CAB39L: variants seen among roughly 807,000 people sequenced by gnomAD.
CAB39L encodes the protein calcium-binding protein 39-like.
CAB39L carries 23 observed loss-of-function variants against 39.1 expected under a neutral mutation model. That is an observed-to-expected ratio of 0.59 (90% CI 0.42 to 0.83). The LOEUF (loss-of-function observed/expected upper bound fraction) is 0.83, where lower values mean the gene tolerates loss of function less well. Among genes scored for constraint, CAB39L ranks in the 40% least tolerant of loss-of-function variants. The pLI, the probability that CAB39L is intolerant of heterozygous loss-of-function variation, is 0.00. For synonymous variants in CAB39L, 126 were observed against 137.2 expected, an observed-to-expected ratio of 0.92 and a Z score of 0.57; for missense variants, 366 against 391.9, an observed-to-expected ratio of 0.93 and a Z score of 0.56.
At chr13:49,346,115 A>ATATATG in intron 7 of CAB39L, among the ~76,000 whole-genome samples, 1 of 56,552 alleles carries the variant, frequency 1.8e-5, no homozygotes, top group African/African-American at 7.8e-5. Flanking sequence ...ATATATATAT[A>ATATATG]TATATATATC....
At chr13:49,378,592 G>T (rs1352950937) in intron 4 of CAB39L, among the ~76,000 whole-genome samples, 5 of 74,266 alleles carry the variant, frequency 6.7e-5, no homozygotes, top group Non-Finnish European at 8.3e-5. Flanking sequence ...GAGGTGGGGG[G>T]GTCAGCCCTC....
At position 49,308,949 on chromosome 13, in the gene CAB39L, AAAG is replaced by A. The variant is rs1318271116; in HGVS notation, c.*1862_*1864del. 8 of 152,346 alleles carry A rather than the reference AAAG, an allele frequency of 5.3e-5. No individual in the cohort carries two copies. The East Asian group carries it at 1.5e-3, about 29-fold the overall frequency. 9.4% of individuals were successfully genotyped at this position (152,346 alleles called of 1,614,324 possible). ...GAAATAAAATGTTTTCTTTATCAGA[AAAG>A]AATAATAACAAGGCCTCACTCTCCA... On this transcript the variant is annotated 3_prime_UTR_variant, in exon 11 of 11. Coordinates refer to ENST00000409308, the MANE Select transcript of CAB39L (RefSeq NM_001079670.3).
rs1246560863 is a variant in CAB39L, at chr13:49,309,526, A to C, written c.*1288T>G. Reference sequence around the variant, plus strand: ...TTAGAAACTGAAGTGTAAAAAATACAGATCAACAATTGTGCCTTTCATTCT... The same window carrying C: ...TTAGAAACTGAAGTGTAAAAAATACCGATCAACAATTGTGCCTTTCATTCT... On this transcript the variant is annotated 3_prime_UTR_variant, in exon 11 of 11. Coordinates refer to ENST00000409308, the MANE Select transcript of CAB39L (RefSeq NM_001079670.3). 2 of 152,264 alleles carry C rather than the reference A, an allele frequency of 1.3e-5. No individual in the cohort carries two copies. The highest frequency in any genetic ancestry group is 4.8e-5 in the African/African-American group (2 of 41,472). 9.4% of individuals were successfully genotyped at this position (152,264 alleles called of 1,614,324 possible).
intron 6 of CAB39L, among the ~76,000 whole-genome samples, chr13:49,352,895 G>C (rs1207040697): frequency 6.6e-6 from 1 of 151,974 alleles, no homozygotes; most frequent in Admixed American, 6.6e-5. Flanking sequence ...AACATTTGTT[G>C]AACAATAAGT....
chr13:49,375,992 C>A (rs1043989365), intron 5 of CAB39L, among the ~76,000 whole-genome samples: 3 of 152,184 alleles, frequency 2.0e-5, no homozygotes, highest in African/African-American at 7.2e-5. Flanking sequence ...TGGCTCTGCA[C>A]TCCTCCTCCT....
chr13:49,341,190 T>C (rs932630242), intron 8 of CAB39L, among the ~76,000 whole-genome samples: 1 of 152,212 alleles, frequency 6.6e-6, no homozygotes, highest in African/African-American at 2.4e-5. Context: ...ATATAGTTAC[T>C]GAACAACCAA....
intron 3 of CAB39L, among the ~76,000 whole-genome samples, chr13:49,406,019 G>A (rs1956868735): frequency 6.6e-6 from 1 of 151,826 alleles, no homozygotes; most frequent in South Asian, 2.1e-4. Context: ...CAGGGCAAAG[G>A]GGATAGTTAA....
intron 4 of CAB39L, among the ~76,000 whole-genome samples, chr13:49,378,270 G>T (rs1480160846): frequency 2.3e-5 from 2 of 86,332 alleles, no homozygotes; most frequent in Non-Finnish European, 4.7e-5. Context: ...GTGGGGGGGG[G>T]TCAACCCCCC....
rs1956097852 is a variant in CAB39L at position 49,377,290 on chromosome 13, C to T, written c.112-159G>A. ...CAAACAAAAACAGTGAGGGGAATCA[C>T]CATGTTTGGGTGGACCTAGTTTCTA... is the stretch of plus-strand genomic sequence containing the variant. On this transcript the variant is annotated intron_variant, in intron 4 of 10. Transcript: ENST00000409308. Among the ~76,000 whole-genome samples, 2 of 34,272 alleles carry T rather than the reference C, an allele frequency of 5.8e-5. 1 individual carries two copies. Among genetic ancestry groups the T allele is most frequent in the Admixed American group, 4.3e-4 (2 of 4,682 alleles). 22.5% of individuals were successfully genotyped at this position (34,272 alleles called of 152,430 possible).
At chr13:49,359,228 A>G (rs1955565492) in intron 6 of CAB39L, among the ~76,000 whole-genome samples, 1 of 152,132 alleles carries the variant, frequency 6.6e-6, no homozygotes, top group Non-Finnish European at 1.5e-5. Context: ...TCTATCACCC[A>G]CCTCGACTTC....
chr13:49,440,715 A>AGTGTGTGTGTGTGTGTGTGT (rs56314282), intron 1 of CAB39L, among the ~76,000 whole-genome samples: 15 of 135,538 alleles, frequency 1.1e-4, no homozygotes, highest in African/African-American at 1.6e-4. Context: ...ATTCCTAGGC[A>AGTGTGTGTGTGTGTGTGTGT]GTGTGTGTGT....
intron 10 of CAB39L, among the ~76,000 whole-genome samples, chr13:49,316,560 A>G (rs1055123568): frequency 6.6e-6 from 1 of 152,212 alleles, no homozygotes. Flanking sequence ...ATAAAAATGC[A>G]AAAAATCCTC....
intron 4 of CAB39L, among the ~76,000 whole-genome samples, chr13:49,378,328 C>A (rs1189130952): frequency 1.3e-5 from 1 of 75,916 alleles, no homozygotes; most frequent in African/African-American, 8.0e-5. Context: ...GTCAGCCCCC[C>A]CGACCGGCCA....
intron 5 of CAB39L, among the ~76,000 whole-genome samples, chr13:49,367,248 G>T (rs1955799766): frequency 6.6e-6 from 1 of 152,152 alleles, no homozygotes; most frequent in South Asian, 2.1e-4. Flanking sequence ...TATACAGATG[G>T]CAACAAGCAC....
In CAB39L at chr13:49,419,761, C is replaced by T. The variant is rs543820710; in HGVS notation, c.-32+13557G>A. ...TGCAAGAGATGGTGGATCTAGAAAA[C>T]TTTAACCGGGATTTTATGACCTTCC... On this transcript the variant is annotated intron_variant, in intron 3 of 10. Coordinates refer to ENST00000409308, the MANE Select transcript of CAB39L (RefSeq NM_001079670.3). Among the ~76,000 whole-genome samples the T allele has an allele frequency of 2.0e-4, 31 of 152,226 alleles. No homozygotes were observed. The East Asian group carries it at 5.8e-3, about 28-fold the overall frequency.
At chr13:49,385,997 A>G (rs2138602920) in intron 3 of CAB39L, among the ~76,000 whole-genome samples, 1 of 152,286 alleles carries the variant, frequency 6.6e-6, no homozygotes, top group South Asian at 2.1e-4. Context: ...TAAACCTTCA[A>G]TTTTTCAAAA....
At chr13:49,314,211 C>T (rs1435907640) in intron 10 of CAB39L, among the ~76,000 whole-genome samples, 5 of 152,070 alleles carry the variant, frequency 3.3e-5, no homozygotes, top group African/African-American at 4.8e-5. Context: ...GCTAAGGCGG[C>T]GCCGGCTCTG....
At chr13:49,431,104 T>A (rs369101167) in intron 3 of CAB39L, among the ~76,000 whole-genome samples, 1 of 152,234 alleles carries the variant, frequency 6.6e-6, no homozygotes, top group Non-Finnish European at 1.5e-5. Context: ...GAAACCATCA[T>A]CACATCAAGA....
intron 10 of CAB39L, among the ~76,000 whole-genome samples, chr13:49,313,446 A>C (rs1281753560): frequency 2.7e-5 from 4 of 150,290 alleles, no homozygotes; most frequent in Non-Finnish European, 5.9e-5. Flanking sequence ...GCGCCACTGC[A>C]CTCTAGCCTG....
Sources: allele counts gnomAD v4.1 joint callset (sites outside exome capture counted in the v4.1 genomes callset), GRCh38; gene constraint gnomAD v4.1.1; transcripts MANE v1.5; gene names NCBI Gene and HGNC (gene_info 2026-07-23, HGNC 2026-07-21).